Variants in TMEM273 observed in about 807,000 individuals in gnomAD.
TMEM273 encodes the protein transmembrane protein 273, also known as chromosome 10 open reading frame 128.
In TMEM273, 19 loss-of-function variants were observed where a neutral mutation model predicts 17.9. The observed-to-expected ratio is 1.06, with a 90% confidence interval of 0.74 to 1.55. The LOEUF (loss-of-function observed/expected upper bound fraction) is 1.55. TMEM273 is among the 40% of genes most tolerant of loss of function. The pLI, the probability that TMEM273 is intolerant of heterozygous loss-of-function variation, is 0.00. For missense variants in TMEM273, 194 were observed against 155.6 expected (o/e 1.25, Z -1.31); for synonymous variants, 66 against 62.0 (o/e 1.07, Z -0.31).
chr10:49,169,893 C>G (rs72789082), intron 1 of TMEM273, among the ~76,000 whole-genome samples: 11,030 of 152,302 alleles, frequency 0.072, 743 homozygotes, highest in African/African-American at 0.18. Flanking sequence ...TTGCTGACAC[C>G]TCTGATCTCT....
At chr10:49,181,880 C>T (rs1644615103) in intron 1 of TMEM273, among the ~76,000 whole-genome samples, 1 of 152,024 alleles carries the variant, frequency 6.6e-6, no homozygotes, top group Non-Finnish European at 1.5e-5. Flanking sequence ...GTAAAAGACC[C>T]TGTTAAGAGA....
At chr10:49,162,078 C>A (rs192527999) in intron 5 of TMEM273, among the ~76,000 whole-genome samples, 1 of 152,236 alleles carries the variant, frequency 6.6e-6, no homozygotes, top group Admixed American at 6.5e-5. Flanking sequence ...ATGGAAAATG[C>A]CTTCTATAGC....
At chr10:49,167,035 C>A in intron 2 of TMEM273, 26 bp from the exon 3 acceptor site, 1 of 1,611,158 alleles carries the variant, frequency 6.2e-7, no homozygotes, top group South Asian at 1.1e-5. Context: ...GAATTGAACA[C>A]CCGGTTTCAG....
intron 3 of TMEM273, 51 bp downstream of exon 3, chr10:49,166,818 C>G: frequency 6.2e-7 from 1 of 1,608,478 alleles, no homozygotes; most frequent in Non-Finnish European, 8.5e-7. Context: ...GAGTGGCCCT[C>G]GGTGCCTCGC....
chr10:49,158,914 T>C (rs2132088064), intron 6 of TMEM273, among the ~76,000 whole-genome samples: 1 of 152,342 alleles, frequency 6.6e-6, no homozygotes, highest in South Asian at 2.1e-4. Flanking sequence ...CACAGATATA[T>C]ACATCTATAT....
chr10:49,156,616 G>A (rs966578547), intron 6 of TMEM273, among the ~76,000 whole-genome samples: 11 of 152,230 alleles, frequency 7.2e-5, no homozygotes, highest in African/African-American at 2.7e-4. Flanking sequence ...ATGCAAAATT[G>A]TGTATGACTT....
intron 6 of TMEM273, among the ~76,000 whole-genome samples, chr10:49,159,446 A>G (rs1845705582): frequency 6.6e-6 from 1 of 152,242 alleles, no homozygotes; most frequent in Non-Finnish European, 1.5e-5. Context: ...TGTGTATTAT[A>G]GAATAGAGAA....
At chr10:49,186,108 G>GA (rs368101860) in intron 1 of TMEM273, among the ~76,000 whole-genome samples, 25,622 of 134,504 alleles carry the variant, frequency 0.19, 3,476 homozygotes, top group South Asian at 0.37. Flanking sequence ...AGAAGAAGAA[G>GA]AGGAAGAAGA....
chr10:49,160,705 T>C (rs1220067461), intron 6 of TMEM273: 1 of 152,126 alleles, frequency 6.6e-6, no homozygotes, highest in Non-Finnish European at 1.5e-5. Flanking sequence ...AACACAATGG[T>C]GCTGTATTCA....
rs1027496070 is a variant in TMEM273, at chr10:49,177,297, C to T, written c.44-9335G>A. On this transcript the variant is annotated intron_variant, in intron 1 of 6. Transcript: ENST00000374153. ...TTTGGAAATTGAAATAAAAGCATTT[C>T]CTCCCTCCCTCTCTAGTTCCCAGGG... 3.3e-5 allele frequency among the ~76,000 whole-genome samples: 5 copies of T among 152,210 alleles called. No individual in the cohort carries two copies. In the East Asian group the frequency reaches 9.6e-4, roughly 29 times the overall value.
Position 49,155,417 on chromosome 10 carries a change from A to T in TMEM273, c.*475T>A, listed in dbSNP as rs1845453859. The T allele has an allele frequency of 2.2e-5, 4 of 180,068 alleles. No homozygotes were observed. The South Asian group carries it at 5.1e-4, about 23-fold the overall frequency. 11.2% of individuals were successfully genotyped at this position (180,068 alleles called of 1,614,324 possible). A position where few individuals can be genotyped will look rare whatever the true frequency, so the allele number is the denominator to read the frequency against. Reference sequence around the variant, plus strand: ...GGACTCCCGAATCTTCACATAGTCCATCTTTAAGAAGGGATCTCCTGGCAG... The same window carrying T: ...GGACTCCCGAATCTTCACATAGTCCTTCTTTAAGAAGGGATCTCCTGGCAG... On this transcript the variant is annotated 3_prime_UTR_variant, in exon 7 of 7. Transcript: ENST00000374153.
intron 5 of TMEM273, 49 bp downstream of exon 5, chr10:49,165,156 G>A (rs1590196932): frequency 4.0e-6 from 6 of 1,507,884 alleles, no homozygotes; most frequent in Non-Finnish European, 5.3e-6. Context: ...GAAAACTAAA[G>A]CCAAGCAAAG....
chr10:49,171,486 A>G (rs1163277081), intron 1 of TMEM273, among the ~76,000 whole-genome samples: 1 of 152,232 alleles, frequency 6.6e-6, no homozygotes, highest in Non-Finnish European at 1.5e-5. Context: ...AATTTGCACA[A>G]GGGCACTCGA....
chr10:49,182,128 T>A (rs1234135244), intron 1 of TMEM273, among the ~76,000 whole-genome samples: 1 of 152,248 alleles, frequency 6.6e-6, no homozygotes, highest in Non-Finnish European at 1.5e-5. Flanking sequence ...CAAGAGACCC[T>A]GGTGTATTCG....
At chr10:49,184,628 T>C (rs1352275926) in intron 1 of TMEM273, among the ~76,000 whole-genome samples, 1 of 152,220 alleles carries the variant, frequency 6.6e-6, no homozygotes, top group Non-Finnish European at 1.5e-5. Context: ...AATTGAGAAG[T>C]TGGGCAGTAT....
At chr10:49,165,932 T>G in intron 3 of TMEM273, 136 bp from the exon 4 acceptor site, 1 of 1,112,232 alleles carries the variant, frequency 9.0e-7, no homozygotes, top group Non-Finnish European at 1.3e-6. Flanking sequence ...CTGGCTGCTA[T>G]GTGATGAAGA....
intron 3 of TMEM273, 128 bp from the exon 4 acceptor site, chr10:49,165,924 G>C: frequency 8.5e-7 from 1 of 1,182,668 alleles, no homozygotes; most frequent in Non-Finnish European, 1.2e-6. Flanking sequence ...CCCGGGGCCT[G>C]GCTGCTATGT....
rs763388407 is a variant in TMEM273, at chr10:49,166,911, C to T, written c.196G>A (p.Asp66Asn). 24 of 1,613,934 alleles carry T rather than the reference C, an allele frequency of 1.5e-5. No homozygotes were observed. Among genetic ancestry groups the T allele is most frequent in the Middle Eastern group, 1.6e-4 (1 of 6,082 alleles). The stretch of plus-strand genomic sequence containing the variant: ...GTGCTTTTCAGGTCGGAAGAGTCGT[C>T]GTCAAATAAGTGCCTCCTGATCATG... ...ICMIRRHLFD[D>N]DSSDLKSTPG... Residue 66 changes from aspartate (D) to asparagine (N), a missense_variant, in exon 3 of 7, where the codon GAC becomes AAC. Physicochemically the swap from Asp to Asn is conservative, Grantham distance 23. Coordinates refer to ENST00000374153, the MANE Select transcript of TMEM273 (RefSeq NM_001288740.3).
intron 1 of TMEM273, among the ~76,000 whole-genome samples, chr10:49,186,071 A>G (rs1166697832): frequency 1.2e-3 from 161 of 136,188 alleles, no homozygotes; most frequent in African/African-American, 1.6e-3. Context: ...AAGAAGAGGA[A>G]GAAGAAGAAG....
Sources: allele counts gnomAD v4.1 joint callset (sites outside exome capture counted in the v4.1 genomes callset), GRCh38; gene constraint gnomAD v4.1.1; transcripts MANE v1.5; gene names NCBI Gene and HGNC (gene_info 2026-07-23, HGNC 2026-07-21).